KCNIP4: variants seen among roughly 807,000 people sequenced by gnomAD.
The protein encoded by KCNIP4 is Kv channel-interacting protein 4.
Under a neutral mutation model 34.0 loss-of-function variants are expected in KCNIP4, and 12 were observed. That is an observed-to-expected ratio of 0.35 (90% CI 0.23 to 0.57). KCNIP4 has a LOEUF of 0.57. Among genes scored for constraint, KCNIP4 ranks in the 20% least tolerant of loss-of-function variants. The pLI, the probability that KCNIP4 is intolerant of heterozygous loss-of-function variation, is 0.83. For synonymous variants in KCNIP4, 124 were observed against 102.2 expected (o/e 1.21, Z -1.29); for missense variants, 238 against 311.7 (o/e 0.76, Z 1.78).
intron 4 of KCNIP4, among the ~76,000 whole-genome samples, chr4:20,751,496 T>C (rs889662854): frequency 6.6e-6 from 1 of 152,026 alleles, no homozygotes; most frequent in African/African-American, 2.4e-5. Context: ...CCTCTGGAGA[T>C]GTGAATTGAT....
intron 1 of KCNIP4, among the ~76,000 whole-genome samples, chr4:21,229,913 G>A (rs1165458806): frequency 6.6e-6 from 1 of 152,078 alleles, no homozygotes; most frequent in African/African-American, 2.4e-5. Context: ...TAACCAACCA[G>A]AATTTCAAAT....
chr4:20,735,530 G>GTTTTTTTTTTTTTT (rs10542507), intron 5 of KCNIP4, among the ~76,000 whole-genome samples: 17 of 109,712 alleles, frequency 1.5e-4, no homozygotes, highest in Middle Eastern at 5.2e-3. Flanking sequence ...TTTTTTTTTT[G>GTTTTTTTTTTTTTT]TTTTTTTTTT....
intron 1 of KCNIP4, among the ~76,000 whole-genome samples, chr4:21,381,761 A>G (rs562096624): frequency 6.6e-6 from 1 of 152,300 alleles, no homozygotes; most frequent in Non-Finnish European, 1.5e-5. Flanking sequence ...CCAAGGAATA[A>G]ATTAATGTTT....
At chr4:20,890,731 T>TA (rs2149535866) in intron 1 of KCNIP4, among the ~76,000 whole-genome samples, 1 of 152,206 alleles carries the variant, frequency 6.6e-6, no homozygotes, top group Non-Finnish European at 1.5e-5. Flanking sequence ...AAAAAGATAA[T>TA]AAAAAGTAAG....
At chr4:21,584,192 C>T (rs913639472) in intron 1 of KCNIP4, among the ~76,000 whole-genome samples, 1 of 151,988 alleles carries the variant, frequency 6.6e-6, no homozygotes, top group African/African-American at 2.4e-5. Context: ...AACGCTTATA[C>T]TTCAGTGAGA....
chr4:21,764,028 T>C (rs76552739), intron 1 of KCNIP4, among the ~76,000 whole-genome samples: 9,154 of 152,238 alleles, frequency 0.06, 379 homozygotes, highest in Middle Eastern at 0.095. Flanking sequence ...TGATTATGTA[T>C]TTTAGTAATG....
chr4:21,556,920 C>CAAAAAAAA (rs1281543089), intron 1 of KCNIP4, among the ~76,000 whole-genome samples: 3 of 35,634 alleles, frequency 8.4e-5, no homozygotes, highest in African/African-American at 2.1e-4. Flanking sequence ...GACTCCATCT[C>CAAAAAAAA]AGAAAAAAAA....
intron 1 of KCNIP4, among the ~76,000 whole-genome samples, chr4:21,371,693 A>G (rs1720468435): frequency 6.8e-6 from 1 of 147,112 alleles, no homozygotes; most frequent in Non-Finnish European, 1.5e-5. Context: ...GATGTAAGAG[A>G]TTGGTTCCAG....
chr4:21,137,378 T>G (rs1431852532), intron 1 of KCNIP4, among the ~76,000 whole-genome samples: 1 of 152,216 alleles, frequency 6.6e-6, no homozygotes, highest in Non-Finnish European at 1.5e-5. Flanking sequence ...CAAGCTTTTC[T>G]TATCAGGGAA....
chr4:21,245,918 T>G (rs1056208933), intron 1 of KCNIP4, among the ~76,000 whole-genome samples: 2 of 152,176 alleles, frequency 1.3e-5, no homozygotes, highest in Non-Finnish European at 2.9e-5. Flanking sequence ...AAGACAAGGA[T>G]AGTCTTTAGA....
intron 1 of KCNIP4, among the ~76,000 whole-genome samples, chr4:21,507,084 G>A (rs184239339): frequency 7.9e-5 from 12 of 151,706 alleles, no homozygotes; most frequent in Non-Finnish European, 1.6e-4. Flanking sequence ...CACCACACCC[G>A]GCAATAATAC....
At chr4:21,519,423 TAC>T (rs35530796) in intron 1 of KCNIP4, among the ~76,000 whole-genome samples, 5,095 of 83,778 alleles carry the variant, frequency 0.061, 253 homozygotes, top group South Asian at 0.091. Flanking sequence ...TGTGTATATA[TAC>T]ACATATGTGT....
At position 21,186,053 on chromosome 4, in the gene KCNIP4, T is replaced by C. The variant is rs543062990; in HGVS notation, c.62-303344A>G. Among the ~76,000 whole-genome samples, 5 of 152,340 alleles carry C rather than the reference T, an allele frequency of 3.3e-5. No homozygotes were observed. In the East Asian group the frequency reaches 9.7e-4, roughly 29 times the overall value. ...ATCTGAAACATAAATAACCTACCTC[T>C]TATTTCCAGGTGAATAGCTGTCTAT... On this transcript the variant is annotated intron_variant, in intron 1 of 8. Transcript: ENST00000382152.
chr4:21,915,513 T>C (rs899112322), intron 1 of KCNIP4, among the ~76,000 whole-genome samples: 2 of 152,204 alleles, frequency 1.3e-5, no homozygotes, highest in African/African-American at 4.8e-5. Flanking sequence ...AGGCCTTAAA[T>C]CCAGGAGGTC....
intron 1 of KCNIP4, among the ~76,000 whole-genome samples, chr4:21,013,811 T>A (rs185089508): frequency 3.0e-4 from 46 of 152,322 alleles, no homozygotes; most frequent in Admixed American, 1.2e-3. Flanking sequence ...GTACAAGATA[T>A]AAAGAGACTT....
chr4:20,765,781 C>G (rs932935890), intron 3 of KCNIP4, among the ~76,000 whole-genome samples: 2 of 152,142 alleles, frequency 1.3e-5, no homozygotes, highest in African/African-American at 4.8e-5. Flanking sequence ...ATGAGGTTTT[C>G]TTTGCAATAT....
intron 1 of KCNIP4, among the ~76,000 whole-genome samples, chr4:21,578,973 T>G (rs1740974808): frequency 6.6e-6 from 1 of 152,336 alleles, no homozygotes; most frequent in South Asian, 2.1e-4. Context: ...AAATAAACGC[T>G]ACTACTCAAC....
intron 1 of KCNIP4, among the ~76,000 whole-genome samples, chr4:21,386,445 G>A (rs1485400170): frequency 1.3e-5 from 2 of 152,034 alleles, no homozygotes; most frequent in African/African-American, 4.8e-5. Context: ...AAAGAACTCA[G>A]GAAAATGCTC....
intron 3 of KCNIP4, among the ~76,000 whole-genome samples, chr4:20,827,174 C>T (rs1449817523): frequency 6.6e-6 from 1 of 152,176 alleles, no homozygotes; most frequent in Non-Finnish European, 1.5e-5. Flanking sequence ...ATAAGAAATT[C>T]AACTACTCTG....
Sources: allele counts gnomAD v4.1 joint callset (sites outside exome capture counted in the v4.1 genomes callset), GRCh38; gene constraint gnomAD v4.1.1; transcripts MANE v1.5; gene names NCBI Gene and HGNC (gene_info 2026-07-23, HGNC 2026-07-21).